PACSIN1: variants seen among roughly 807,000 people sequenced by gnomAD.
The protein encoded by PACSIN1 is protein kinase C and casein kinase substrate in neurons protein 1.
In PACSIN1, 15 loss-of-function variants were observed where a neutral mutation model predicts 59.5. That is an observed-to-expected ratio of 0.25 (90% CI 0.17 to 0.39). The LOEUF (loss-of-function observed/expected upper bound fraction) is 0.39, where lower values mean the gene tolerates loss of function less well. PACSIN1 is among the 10% of genes least tolerant of loss of function. The pLI is 1.00. For missense variants in PACSIN1, 420 were observed against 580.2 expected (o/e 0.72, Z 2.84); for synonymous variants, 210 against 220.6 (o/e 0.95, Z 0.42).
chr6:34,476,022 G>T (rs934816021), intron 1 of PACSIN1, among the ~76,000 whole-genome samples: 5 of 152,188 alleles, frequency 3.3e-5, no homozygotes, highest in Non-Finnish European at 7.3e-5. Context: ...AATGTTAAAT[G>T]AATATGTATT....
At chr6:34,505,343 G>A (rs533334336) in intron 1 of PACSIN1, among the ~76,000 whole-genome samples, 25 of 152,158 alleles carry the variant, frequency 1.6e-4, no homozygotes, top group African/African-American at 6.0e-4. Context: ...CCTGTCTGGA[G>A]TTCACTTAAC....
At chr6:34,510,328 A>C (rs1361452998) in intron 1 of PACSIN1, among the ~76,000 whole-genome samples, 1 of 152,224 alleles carries the variant, frequency 6.6e-6, no homozygotes, top group Non-Finnish European at 1.5e-5. Context: ...AAAAAATACC[A>C]ATGGCTTCCC....
chr6:34,520,019 G>T (rs1447612395), intron 1 of PACSIN1, among the ~76,000 whole-genome samples: 1 of 152,126 alleles, frequency 6.6e-6, no homozygotes, highest in Non-Finnish European at 1.5e-5. Context: ...ATTTGGGGAA[G>T]ACTTCTTGGA....
rs764059743 is a variant in PACSIN1 at position 34,528,675 on chromosome 6, G to T, written c.254G>T (p.Gly85Val). The change falls in exon 4 of 10, where the codon GGT becomes GTT. Residue 85 changes from glycine (G) to valine (V), a missense_variant. Physicochemically the swap from Gly to Val is moderately radical, Grantham distance 109. Transcript: ENST00000244458. ...PQYGSLERAW[G>V]AIMTEADKVS... ...TATGGCAGCCTGGAGCGGGCCTGGGGTGCCATAATGACAGAGGCAGACAAG... is the reference window on the plus strand; with the variant it reads ...TATGGCAGCCTGGAGCGGGCCTGGGTTGCCATAATGACAGAGGCAGACAAG... 1.5e-5 allele frequency: 25 copies of T among 1,613,882 alleles called. No homozygotes were observed. The highest frequency in any genetic ancestry group is 1.6e-4 in the Middle Eastern group (1 of 6,084).
Position 34,516,559 on chromosome 6 carries a change from C to T in PACSIN1, c.-63-9684C>T, listed in dbSNP as rs1767296080. On this transcript the variant is annotated intron_variant, in intron 1 of 9. Coordinates refer to ENST00000244458, the MANE Select transcript of PACSIN1 (RefSeq NM_020804.5). The surrounding 1 kb of genome is among the most constrained non-coding windows in gnomAD (Gnocchi z 5.4). ...CCTCAGTTGCCCGTCAGCGGCCGCC[C>T]CCACCTCCACTGGAGCAGGGGCTGG... Among the ~76,000 whole-genome samples the T allele has an allele frequency of 1.3e-5, 2 of 152,166 alleles. No homozygotes were observed. The highest frequency in any genetic ancestry group is 1.3e-4 in the Admixed American group (2 of 15,292).
chr6:34,530,410 G>T lies in PACSIN1; in HGVS notation c.909+47G>T, dbSNP rs767168301. ...AAGGGGAGCCTGAAGAGGCTGAAAG[G>T]TGCCTCAGGGCATAGTCCCCCAGCC... On this transcript the variant is annotated intron_variant, in intron 7 of 9. Transcript: ENST00000244458. This position sits in a 1 kb window ranked among gnomAD's most constrained non-coding sequence, Gnocchi z 4.4. 23 of 1,604,988 alleles carry T rather than the reference G, an allele frequency of 1.4e-5. No homozygotes were observed. Among genetic ancestry groups the T allele is most frequent in the Admixed American group, 3.4e-5 (2 of 59,666 alleles).
rs761572397 is a variant in PACSIN1, at chr6:34,530,369, GAT to G, written c.909+9_909+10del. 1 of 1,613,088 alleles carries G rather than the reference GAT, an allele frequency of 6.2e-7. No individual in the cohort carries two copies. The highest frequency in any genetic ancestry group is 1.1e-5 in the South Asian group (1 of 90,990). The stretch of plus-strand genomic sequence containing the variant: ...TGAACTGGCCCCAGTTTGAGGTGAG[GAT>G]ATGTGGGGATGGGAAGGGGAGCCTG... On this transcript the variant is annotated splice_region_variant and intron_variant, in intron 7 of 9. Transcript: ENST00000244458. This position sits in a 1 kb window ranked among gnomAD's most constrained non-coding sequence, Gnocchi z 4.4.
rs916766696 is a variant in PACSIN1, at chr6:34,515,198, G to A, written c.-63-11045G>A. On this transcript the variant is annotated intron_variant, in intron 1 of 9. Coordinates refer to ENST00000244458, the MANE Select transcript of PACSIN1 (RefSeq NM_020804.5). The surrounding 1 kb of genome is among the most constrained non-coding windows in gnomAD (Gnocchi z 4.4). ...GGGGCCGGGCCAGGGACCAGGCTGG[G>A]GAGCGGGGTGTGGGGCGCAGCCAGC... is the stretch of plus-strand genomic sequence containing the variant. 1 of 152,750 alleles carries A rather than the reference G, an allele frequency of 6.5e-6. No individual in the cohort carries two copies. The highest frequency in any genetic ancestry group is 2.4e-5 in the African/African-American group (1 of 41,472). The allele number at this position is 152,750 out of a possible 1,614,324, so 9.5% of individuals were successfully genotyped here.
rs745508278 is a variant in PACSIN1 at position 34,531,702 on chromosome 6, C to T, written c.1140C>T (p.Pro380=). The T allele has an allele frequency of 5.0e-6, 8 of 1,613,188 alleles. No individual in the cohort carries two copies. The Admixed American group carries it at 1.2e-4, about 24-fold the overall frequency. The change falls in exon 9 of 10, where the codon CCC becomes CCT. Residue 380 remains proline, a synonymous_variant. Transcript: ENST00000244458. The surrounding 1 kb of genome is among the most constrained non-coding windows in gnomAD (Gnocchi z 4.4). The stretch of plus-strand genomic sequence containing the variant: ...GTGAGACCAACGGGGGCGCCAACCC[C>T]TTTGAGGACGACTCCAAGGGAGTGC... ...GGSETNGGAN[P]FEDDSKGVRV...
chr6:34,477,394 GA>G (rs1035847845), intron 1 of PACSIN1, among the ~76,000 whole-genome samples: 1 of 151,896 alleles, frequency 6.6e-6, no homozygotes, highest in African/African-American at 2.4e-5. Context: ...AAGAAATCAA[GA>G]AAAAAAGAAG....
In PACSIN1 at chr6:34,466,233, G is replaced by A. The variant is rs41312307; in HGVS notation, c.-101G>A. 0.01 allele frequency: 1,558 copies of A among 152,294 alleles called. 34 individuals are homozygous for A. Among genetic ancestry groups the A allele is most frequent in the South Asian group, 0.064 (308 of 4,824 alleles). 9.4% of individuals were successfully genotyped at this position (152,294 alleles called of 1,614,324 possible). A position where few individuals can be genotyped will look rare whatever the true frequency, so the allele number is the denominator to read the frequency against. On this transcript the variant is annotated 5_prime_UTR_variant, in exon 1 of 10. Coordinates refer to ENST00000244458, the MANE Select transcript of PACSIN1 (RefSeq NM_020804.5). Reference sequence around the variant, plus strand: ...GGCCCCAGACGTCCCGCTTCGCCCCGAGTCGCCGCCGATGGTCCCCGGAGC... The same window carrying A: ...GGCCCCAGACGTCCCGCTTCGCCCCAAGTCGCCGCCGATGGTCCCCGGAGC...
Position 34,514,141 on chromosome 6 carries a change from G to T in PACSIN1, c.-63-12102G>T, listed in dbSNP as rs570506475. 6.6e-6 allele frequency among the ~76,000 whole-genome samples: 1 copy of T among 152,204 alleles called. No individual in the cohort carries two copies. The highest frequency in any genetic ancestry group is 2.4e-5 in the African/African-American group (1 of 41,438). On this transcript the variant is annotated intron_variant, in intron 1 of 9. Coordinates refer to ENST00000244458, the MANE Select transcript of PACSIN1 (RefSeq NM_020804.5). This position sits in a 1 kb window ranked among gnomAD's most constrained non-coding sequence, Gnocchi z 4.4. ...ATGTGTGCAAATATATGTAATGGGC[G>T]TTTGTATCTGTAAGTGTGTTGTTGG... is the stretch of plus-strand genomic sequence containing the variant.
intron 1 of PACSIN1, among the ~76,000 whole-genome samples, chr6:34,498,421 AT>A (rs1766978545): frequency 6.6e-6 from 1 of 152,072 alleles, no homozygotes; most frequent in Non-Finnish European, 1.5e-5. Context: ...GAAGTTCTGT[AT>A]ATATTCTGAA....
At chr6:34,496,941 C>CTTTTTTT (rs11464603) in intron 1 of PACSIN1, among the ~76,000 whole-genome samples, 11 of 100,800 alleles carry the variant, frequency 1.1e-4, no homozygotes, top group African/African-American at 1.6e-4. Flanking sequence ...CTCTCTCTCT[C>CTTTTTTT]TTTTTTTTTT....
At chr6:34,470,792 A>G (rs1332250064) in intron 1 of PACSIN1, among the ~76,000 whole-genome samples, 1 of 152,280 alleles carries the variant, frequency 6.6e-6, no homozygotes, top group African/African-American at 2.4e-5. Context: ...TACTCAGGTA[A>G]TTTTAAATTT....
intron 1 of PACSIN1, among the ~76,000 whole-genome samples, chr6:34,483,067 C>A (rs1003093582): frequency 9.5e-5 from 14 of 147,880 alleles, no homozygotes; most frequent in Non-Finnish European, 1.8e-4. Flanking sequence ...TGCAGTGGCA[C>A]GATCATGGCT....
rs564936413 is a variant in PACSIN1, at chr6:34,500,993, G to T, written c.-63-25250G>T. ...AGACTTCATAGAACTGAAAAGCATT[G>T]CAGTCTTGGATTAGGCTTTGGCTTA... On this transcript the variant is annotated intron_variant, in intron 1 of 9. Coordinates refer to ENST00000244458, the MANE Select transcript of PACSIN1 (RefSeq NM_020804.5). Among the ~76,000 whole-genome samples the T allele has an allele frequency of 2.6e-5, 4 of 152,310 alleles. No individual in the cohort carries two copies. The South Asian group carries it at 8.3e-4, about 32-fold the overall frequency.
At chr6:34,517,122 T>A (rs977439149) in intron 1 of PACSIN1, among the ~76,000 whole-genome samples, 18 of 152,276 alleles carry the variant, frequency 1.2e-4, no homozygotes, top group African/African-American at 4.1e-4. Flanking sequence ...AAACAGCAGC[T>A]CTGTCTGCCA....
chr6:34,477,802 G>A (rs888321828), intron 1 of PACSIN1, among the ~76,000 whole-genome samples: 3 of 151,480 alleles, frequency 2.0e-5, no homozygotes, highest in South Asian at 2.1e-4. Context: ...AGGCTGGAGT[G>A]CAGTGGCATG....
Sources: gnomAD v4.1 joint callset for allele counts (sites outside exome capture counted in the v4.1 genomes callset) on GRCh38, gnomAD v4.1.1 for gene constraint, Gnocchi (gnomAD v3.1) non-coding constraint, MANE v1.5 for transcripts, NCBI Gene and HGNC (gene_info 2026-07-23, HGNC 2026-07-21) for gene names.